Variants in N4BP2 observed in about 807,000 individuals in gnomAD.
N4BP2 encodes the protein NEDD4 binding protein 2.
Under a neutral mutation model 152.8 loss-of-function variants are expected in N4BP2, and 91 were observed. The ratio of observed to expected loss-of-function variants is 0.60; its 90% CI spans 0.50 to 0.71. The LOEUF (loss-of-function observed/expected upper bound fraction) is 0.71, where lower values mean the gene tolerates loss of function less well. N4BP2 is among the 30% of genes least tolerant of loss of function. The pLI is 0.00. For missense variants in N4BP2, 1,923 were observed against 2,059.1 expected, an observed-to-expected ratio of 0.93 and a Z score of 1.28; for synonymous variants, 646 against 705.3, an observed-to-expected ratio of 0.92 and a Z score of 1.33.
intron 4 of N4BP2, among the ~76,000 whole-genome samples, chr4:40,106,644 G>A (rs1230584295): frequency 2.6e-5 from 4 of 152,078 alleles, no homozygotes; most frequent in African/African-American, 9.7e-5. Flanking sequence ...TGCCTCCTGG[G>A]TTCTAGCAAT....
At chr4:40,087,978 G>A (rs891206639) in intron 2 of N4BP2, among the ~76,000 whole-genome samples, 5 of 152,088 alleles carry the variant, frequency 3.3e-5, no homozygotes, top group Non-Finnish European at 7.4e-5. Context: ...GGATGGTCTC[G>A]AACTCCTGAC....
At chr4:40,135,981 A>G (rs1394482653) in intron 13 of N4BP2, among the ~76,000 whole-genome samples, 2 of 152,208 alleles carry the variant, frequency 1.3e-5, no homozygotes, top group Non-Finnish European at 2.9e-5. Context: ...AATTTTTTTG[A>G]ATGATTTTCT....
chr4:40,153,006 CTAA>C, intron 17 of N4BP2, 103 bp downstream of exon 17: 2 of 1,065,782 alleles, frequency 1.9e-6, no homozygotes, highest in Non-Finnish European at 1.4e-6. Flanking sequence ...AGCAATAGCC[CTAA>C]TATAGCTAGG....
downstream of N4BP2, among the ~76,000 whole-genome samples, chr4:40,161,046 C>T (rs1721845540): frequency 6.6e-6 from 1 of 152,112 alleles, no homozygotes; most frequent in African/African-American, 2.4e-5. Flanking sequence ...CAGAAGAGAC[C>T]AAAAACTCAA....
intron 12 of N4BP2, among the ~76,000 whole-genome samples, chr4:40,129,175 A>G (rs1333974396): frequency 1.3e-5 from 2 of 151,946 alleles, no homozygotes; most frequent in South Asian, 2.1e-4. Flanking sequence ...CAGCCTCCCA[A>G]GTAGCTGGGA....
chr4:40,172,233 T>A, the N4BP2 span, among the ~76,000 whole-genome samples: 5 of 152,180 alleles, frequency 3.3e-5, no homozygotes, highest in African/African-American at 9.7e-5. Context: ...AGTCTTTTCA[T>A]GTTCTTCTGC....
At chr4:40,131,568 T>TTGTGTG (rs60430101) in intron 12 of N4BP2, among the ~76,000 whole-genome samples, 1 of 151,594 alleles carries the variant, frequency 6.6e-6, no homozygotes, top group Non-Finnish European at 1.5e-5. Flanking sequence ...ATACATGTGA[T>TTGTGTG]TGTGTGTGTG....
At chr4:40,101,084 T>G (rs1715603877) in intron 3 of N4BP2, among the ~76,000 whole-genome samples, 1 of 152,226 alleles carries the variant, frequency 6.6e-6, no homozygotes, top group Non-Finnish European at 1.5e-5. Flanking sequence ...ACATATCACC[T>G]TATGTGAGAT....
intron 1 of N4BP2, among the ~76,000 whole-genome samples, chr4:40,066,357 T>G (rs1325341938): frequency 2.0e-5 from 3 of 150,576 alleles, no homozygotes; most frequent in African/African-American, 7.4e-5. Context: ...CTCACTTTGT[T>G]GCTCAGGCTG....
At position 40,097,390 on chromosome 4, in the gene N4BP2, C is replaced by CG. The variant is rs1560588715; in HGVS notation, c.50_51insG (p.Asn18LysfsTer3). The CG allele has an allele frequency of 6.2e-7, 1 of 1,613,974 alleles. No individual in the cohort carries two copies. The highest frequency in any genetic ancestry group is 8.5e-7 in the Non-Finnish European group (1 of 1,179,994). On this transcript the variant is annotated frameshift_variant, in exon 3 of 18. Transcript: ENST00000261435. LOFTEE classifies it high-confidence loss of function. ...GGGGGAAATCCTTTTCGGAAGACTGCAAACCCTAAGGAAGTTGTCGTATCC... is the reference window on the plus strand; with the variant it reads ...GGGGGAAATCCTTTTCGGAAGACTGCGAAACCCTAAGGAAGTTGTCGTATCC...
chr4:40,102,927 C>T lies in N4BP2; in HGVS notation c.1082C>T (p.Pro361Leu), dbSNP rs769837740. ...CTGTTGCCTCCTCCGCCACCTCCACCGATGTGGAATCCAATGATTCCTGCT... is the reference window on the plus strand; with the variant it reads ...CTGTTGCCTCCTCCGCCACCTCCACTGATGTGGAATCCAATGATTCCTGCT... ...PLLLPPPPPP[P>L]MWNPMIPAFD... Residue 361 changes from proline to leucine, a missense_variant, in exon 4 of 18, where the codon CCG becomes CTG. Pro to Leu is a moderately conservative substitution (Grantham distance 98). Coordinates refer to ENST00000261435, the MANE Select transcript of N4BP2 (RefSeq NM_018177.6). 57 of 1,614,062 alleles carry T rather than the reference C, an allele frequency of 3.5e-5. No homozygotes were observed. Among genetic ancestry groups the T allele is most frequent in the Non-Finnish European group, 4.5e-5 (53 of 1,180,040 alleles).
chr4:40,098,535 A>G (rs1715310004), intron 3 of N4BP2, among the ~76,000 whole-genome samples: 1 of 152,196 alleles, frequency 6.6e-6, no homozygotes, highest in African/African-American at 2.4e-5. Flanking sequence ...CATGATTAGT[A>G]TAAGGTAAAA....
At chr4:40,103,813 A>C (rs574260500) in intron 4 of N4BP2, among the ~76,000 whole-genome samples, 1 of 152,238 alleles carries the variant, frequency 6.6e-6, no homozygotes, top group East Asian at 1.9e-4. Context: ...TGAGTGCCTT[A>C]ATCTGGGAGA....
chr4:40,132,042 T>A, intron 13 of N4BP2, 123 bp downstream of exon 13: 1 of 706,632 alleles, frequency 1.4e-6, no homozygotes, highest in Non-Finnish European at 2.5e-6. Context: ...TCTGTGGGTA[T>A]TATTCCAAGA....
At chr4:40,057,791 A>T (rs1733332701) in intron 1 of N4BP2, among the ~76,000 whole-genome samples, 2 of 151,932 alleles carry the variant, frequency 1.3e-5, no homozygotes, top group African/African-American at 4.8e-5. Context: ...TTTCCCTCCG[A>T]AAGAGAGCTA....
the N4BP2 span, among the ~76,000 whole-genome samples, chr4:40,175,338 GAAAAA>G: frequency 5.8e-5 from 6 of 103,742 alleles, no homozygotes; most frequent in Admixed American, 2.0e-4. Flanking sequence ...GTGAAATATA[GAAAAA>G]AAAAAAAAAA....
chr4:40,147,832 G>A lies in N4BP2; in HGVS notation c.5143+3032G>A, dbSNP rs545663216. Reference sequence around the variant, plus strand: ...TCAGACGGGGCAGCCAGGCAGAGACGCTCCTCACCTCCCAGACGGGGTCGC... The same window carrying A: ...TCAGACGGGGCAGCCAGGCAGAGACACTCCTCACCTCCCAGACGGGGTCGC... On this transcript the variant is annotated intron_variant, in intron 16 of 17. Coordinates refer to ENST00000261435, the MANE Select transcript of N4BP2 (RefSeq NM_018177.6). Among the ~76,000 whole-genome samples the A allele has an allele frequency of 2.4e-3, 360 of 150,300 alleles. 1 individual carries two copies. The highest frequency in any genetic ancestry group is 8.2e-3 in the African/African-American group (335 of 40,792).
At chr4:40,094,178 A>T (rs1197531417) in intron 2 of N4BP2, among the ~76,000 whole-genome samples, 3 of 152,128 alleles carry the variant, frequency 2.0e-5, no homozygotes, top group Admixed American at 6.6e-5. Context: ...ACTGATTTCT[A>T]GTTTGATTCC....
At chr4:40,143,576 C>T (rs1720246291) in intron 15 of N4BP2, among the ~76,000 whole-genome samples, 1 of 152,194 alleles carries the variant, frequency 6.6e-6, no homozygotes, top group Admixed American at 6.5e-5. Flanking sequence ...GCTGGGATTA[C>T]AAGTGCAAGG....
Sources: allele counts gnomAD v4.1 joint callset (sites outside exome capture counted in the v4.1 genomes callset), GRCh38; gene constraint gnomAD v4.1.1; transcripts MANE v1.5; gene names NCBI Gene and HGNC (gene_info 2026-07-23, HGNC 2026-07-21).